Variants in EDIL3 observed in about 807,000 individuals in gnomAD.
The protein encoded by EDIL3 is EGF-like repeat and discoidin I-like domain-containing protein 3.
EDIL3 carries 37 observed loss-of-function variants against 67.4 expected under a neutral mutation model. The ratio of observed to expected loss-of-function variants is 0.55; its 90% CI spans 0.42 to 0.72. EDIL3 has a LOEUF of 0.72. EDIL3 is among the 30% of genes least tolerant of loss of function. EDIL3 has a pLI of 0.00. For synonymous variants in EDIL3, 195 were observed against 196.3 expected, an observed-to-expected ratio of 0.99 and a Z score of 0.05; for missense variants, 527 against 586.3, an observed-to-expected ratio of 0.90 and a Z score of 1.04.
At chr5:84,221,969 A>G (rs1744351143) in intron 3 of EDIL3, among the ~76,000 whole-genome samples, 1 of 151,998 alleles carries the variant, frequency 6.6e-6, no homozygotes, top group Non-Finnish European at 1.5e-5. Flanking sequence ...CTTGTTCATT[A>G]GAAAATAATG....
chr5:84,357,924 G>A (rs192545681), intron 1 of EDIL3, among the ~76,000 whole-genome samples: 2 of 143,722 alleles, frequency 1.4e-5, no homozygotes, highest in East Asian at 4.0e-4. Flanking sequence ...GCAAAATGCA[G>A]AAGTGCTAGG....
chr5:84,311,330 T>C (rs1420927060), intron 1 of EDIL3, among the ~76,000 whole-genome samples: 3 of 149,926 alleles, frequency 2.0e-5, no homozygotes, highest in East Asian at 3.9e-4. Context: ...TTTTCTTTTT[T>C]TTTTTTTTTA....
At chr5:84,335,012 A>G (rs1389942030) in intron 1 of EDIL3, among the ~76,000 whole-genome samples, 2 of 152,158 alleles carry the variant, frequency 1.3e-5, no homozygotes, top group Non-Finnish European at 2.9e-5. Context: ...TTATAATTCC[A>G]AATTGCCTGT....
At chr5:83,974,749 A>T (rs1037206395) in intron 9 of EDIL3, among the ~76,000 whole-genome samples, 1 of 151,990 alleles carries the variant, frequency 6.6e-6, no homozygotes, top group Admixed American at 6.6e-5. Flanking sequence ...AACATGTTTT[A>T]TCTACTCATA....
intron 8 of EDIL3, among the ~76,000 whole-genome samples, chr5:84,061,347 A>T (rs1746538198): frequency 2.0e-5 from 3 of 152,176 alleles, no homozygotes; most frequent in Non-Finnish European, 4.4e-5. Context: ...GTGTGTATAC[A>T]TAGACACAAA....
rs373555225 is a variant in EDIL3 at position 83,951,188 on chromosome 5, G to A, written c.1294-7620C>T. ...AGGTTCCATAGTCTCTCTTTCACAC[G>A]GGCATGATCCATTTAAACCATTAAA... On this transcript the variant is annotated intron_variant, in intron 10 of 10. Coordinates refer to ENST00000296591, the MANE Select transcript of EDIL3 (RefSeq NM_005711.5). Among the ~76,000 whole-genome samples the A allele has an allele frequency of 2.4e-4, 37 of 151,704 alleles. No individual in the cohort carries two copies. In the East Asian group the frequency reaches 3.7e-3, roughly 15 times the overall value.
intron 1 of EDIL3, among the ~76,000 whole-genome samples, chr5:84,349,185 C>G (rs1199637558): frequency 1.3e-5 from 2 of 152,154 alleles, no homozygotes; most frequent in African/African-American, 2.4e-5. Context: ...AGCTTGCTTT[C>G]CCAAGCAGGC....
chr5:83,949,748 G>T (rs143524072), intron 10 of EDIL3, among the ~76,000 whole-genome samples: 1 of 151,914 alleles, frequency 6.6e-6, no homozygotes, highest in African/African-American at 2.4e-5. Context: ...ACAAAACCGT[G>T]TGTAATACGA....
chr5:84,342,212 G>A (rs927281636), intron 1 of EDIL3, among the ~76,000 whole-genome samples: 10 of 152,020 alleles, frequency 6.6e-5, no homozygotes, highest in Non-Finnish European at 1.5e-4. Flanking sequence ...GCAGATACAT[G>A]AGTGGAATTG....
intron 6 of EDIL3, among the ~76,000 whole-genome samples, chr5:84,101,857 G>C (rs1747371563): frequency 6.6e-6 from 1 of 151,910 alleles, no homozygotes; most frequent in South Asian, 2.1e-4. Context: ...ACCAGGCAGA[G>C]ACAAAACAAA....
intron 5 of EDIL3, among the ~76,000 whole-genome samples, chr5:84,135,393 G>A (rs2301103): frequency 0.081 from 12,284 of 152,196 alleles, 574 homozygotes; most frequent in Middle Eastern, 0.13. Flanking sequence ...CTTCCTGGAA[G>A]GTTCTCTATT....
chr5:84,149,939 C>T (rs954969086), intron 4 of EDIL3, among the ~76,000 whole-genome samples: 17 of 151,940 alleles, frequency 1.1e-4, no homozygotes, highest in African/African-American at 2.9e-4. Flanking sequence ...AAAATCTGGG[C>T]ATCAGTGATC....
rs374309869 is a variant in EDIL3 at position 84,326,432 on chromosome 5, G to T, written c.67+57876C>A. On this transcript the variant is annotated intron_variant, in intron 1 of 10. Transcript: ENST00000296591. Reference sequence around the variant, plus strand: ...TAAAGATACAGTTCCCATCATACAAGAAGAAAATAATTCTATAGATGGATT... The same window carrying T: ...TAAAGATACAGTTCCCATCATACAATAAGAAAATAATTCTATAGATGGATT... Among the ~76,000 whole-genome samples the T allele has an allele frequency of 4.6e-5, 7 of 151,790 alleles. No individual in the cohort carries two copies. The East Asian group carries it at 9.7e-4, about 21-fold the overall frequency.
intron 1 of EDIL3, among the ~76,000 whole-genome samples, chr5:84,382,989 C>A (rs1301870386): frequency 6.6e-6 from 1 of 152,162 alleles, no homozygotes; most frequent in Non-Finnish European, 1.5e-5. Context: ...GCCCAAGAGT[C>A]CACAATTTTC....
intron 1 of EDIL3, among the ~76,000 whole-genome samples, chr5:84,256,562 A>G (rs1285945045): frequency 2.0e-5 from 3 of 152,176 alleles, no homozygotes; most frequent in Non-Finnish European, 2.9e-5. Context: ...GCTAGAATAT[A>G]AATACGTATT....
Position 84,050,239 on chromosome 5 carries a change from G to T in EDIL3, c.1137+10061C>A, listed in dbSNP as rs1396109071. On this transcript the variant is annotated intron_variant, in intron 9 of 10. Transcript: ENST00000296591. ...AAAAAAAAATCACACAAGAATATTTGCTTGAGAAGTTCCAGACATTTTGAT... is the reference window on the plus strand; with the variant it reads ...AAAAAAAAATCACACAAGAATATTTTCTTGAGAAGTTCCAGACATTTTGAT... Among the ~76,000 whole-genome samples, 5 of 149,174 alleles carry T rather than the reference G, an allele frequency of 3.4e-5. No individual in the cohort carries two copies. In the East Asian group the frequency reaches 9.9e-4, roughly 30 times the overall value.
At chr5:83,976,183 G>A (rs1744874031) in intron 9 of EDIL3, among the ~76,000 whole-genome samples, 1 of 151,780 alleles carries the variant, frequency 6.6e-6, no homozygotes, top group Non-Finnish European at 1.5e-5. Context: ...GGGATGCATT[G>A]CTTCCAACTC....
intron 6 of EDIL3, among the ~76,000 whole-genome samples, chr5:84,087,378 G>A (rs1180065541): frequency 6.6e-6 from 1 of 152,118 alleles, no homozygotes; most frequent in Non-Finnish European, 1.5e-5. Context: ...TAGAACCCAG[G>A]ATCACTGATC....
chr5:84,223,096 G>T (rs990841793), intron 3 of EDIL3, among the ~76,000 whole-genome samples: 4 of 151,520 alleles, frequency 2.6e-5, no homozygotes, highest in African/African-American at 9.7e-5. Flanking sequence ...GGAGTTTTAT[G>T]GTTTCAGAGC....
Sources: allele counts gnomAD v4.1 joint callset (sites outside exome capture counted in the v4.1 genomes callset), GRCh38; gene constraint gnomAD v4.1.1; transcripts MANE v1.5; gene names NCBI Gene and HGNC (gene_info 2026-07-23, HGNC 2026-07-21).